Variants in HS3ST5 observed in about 807,000 individuals in gnomAD.
HS3ST5 encodes the protein heparan sulfate-glucosamine 3-sulfotransferase 5.
Under a neutral mutation model 25.4 loss-of-function variants are expected in HS3ST5, and 10 were observed. The ratio of observed to expected loss-of-function variants is 0.39; its 90% confidence interval spans 0.24 to 0.67. The LOEUF (loss-of-function observed/expected upper bound fraction) is 0.67. Ranked by LOEUF, HS3ST5 falls within the 30% of genes least tolerant of loss-of-function variation. HS3ST5 has a pLI of 0.44. For synonymous variants in HS3ST5, 170 were observed against 162.4 expected, an observed-to-expected ratio of 1.05 and a Z score of -0.36; for missense variants, 324 against 420.7, an observed-to-expected ratio of 0.77 and a Z score of 2.01.
At chr6:114,224,010 G>A (rs1192390607) in intron 2 of HS3ST5, among the ~76,000 whole-genome samples, 1 of 151,540 alleles carries the variant, frequency 6.6e-6, no homozygotes, top group Non-Finnish European at 1.5e-5. Context: ...CCTTCATTAT[G>A]TATTATACCC....
rs1407661588 is a variant in HS3ST5, at chr6:114,292,937, G to GT, written c.-339+49257dup. ...TTTTAGTATTGTATTGCTATTTTTT[G>GT]TTTTTTTTTTTCCCAAATATTTTTG... On this transcript the variant is annotated intron_variant, in intron 1 of 4. Coordinates refer to ENST00000312719, the MANE Select transcript of HS3ST5 (RefSeq NM_153612.4). Among the ~76,000 whole-genome samples, 699 of 144,094 alleles carry GT rather than the reference G, an allele frequency of 4.9e-3. 2 individuals are homozygous for GT. Among genetic ancestry groups the GT allele is most frequent in the African/African-American group, 0.013 (499 of 39,614 alleles). The allele number at this position is 144,094 out of a possible 152,430, so 94.5% of individuals were successfully genotyped here. A position where few individuals can be genotyped will look rare whatever the true frequency, so the allele number is the denominator to read the frequency against.
At chr6:114,292,605 A>G (rs1254073663) in intron 1 of HS3ST5, among the ~76,000 whole-genome samples, 6 of 152,334 alleles carry the variant, frequency 3.9e-5, no homozygotes, top group African/African-American at 1.4e-4. Flanking sequence ...GCATACATTC[A>G]AGTGCCAGAG....
In HS3ST5 at chr6:114,057,509, C is replaced by G; in HGVS notation, c.789G>C (p.Leu263=). The change falls in exon 5 of 5, where the codon CTG becomes CTC. Residue 263 remains leucine, a synonymous_variant. Coordinates refer to ENST00000312719, the MANE Select transcript of HS3ST5 (RefSeq NM_153612.4). Reference sequence around the variant, plus strand: ...ACTTCTCCACGAGCTGAAGTTCTGGCAGAGGTTCCGTGATGAGGCGATCTC... The same window carrying G: ...ACTTCTCCACGAGCTGAAGTTCTGGGAGAGGTTCCGTGATGAGGCGATCTC... ...VDGDRLITEP[L]PELQLVEKFL... The G allele has an allele frequency of 6.2e-7, 1 of 1,614,162 alleles. No homozygotes were observed. The highest frequency in any genetic ancestry group is 1.3e-5 in the African/African-American group (1 of 75,044).
At chr6:114,078,382 T>G (rs112066184) in intron 3 of HS3ST5, among the ~76,000 whole-genome samples, 3 of 151,376 alleles carry the variant, frequency 2.0e-5, no homozygotes, top group Admixed American at 2.0e-4. Flanking sequence ...AATTTTGGTA[T>G]TTTTTTTAGT....
chr6:114,128,496 G>A (rs1777159443), intron 3 of HS3ST5, among the ~76,000 whole-genome samples: 1 of 152,108 alleles, frequency 6.6e-6, no homozygotes, highest in African/African-American at 2.4e-5. Flanking sequence ...GCAAGCCAAA[G>A]TTCCTGCCTT....
In HS3ST5 at chr6:114,297,951, A is replaced by G. The variant is rs145668109; in HGVS notation, c.-339+44244T>C. 2.1e-3 allele frequency among the ~76,000 whole-genome samples: 318 copies of G among 152,324 alleles called. 5 individuals are homozygous for G. The South Asian group carries it at 0.031, about 15-fold the overall frequency. ...TATTCTTTTTCCTATAAATGGAATTAATATAATTGTTTTAAAAGTTCTTCC... is the reference window on the plus strand; with the variant it reads ...TATTCTTTTTCCTATAAATGGAATTGATATAATTGTTTTAAAAGTTCTTCC... On this transcript the variant is annotated intron_variant, in intron 1 of 4. Transcript: ENST00000312719.
chr6:114,276,621 A>AC (rs1308669844), intron 1 of HS3ST5, among the ~76,000 whole-genome samples: 53 of 145,058 alleles, frequency 3.7e-4, no homozygotes, highest in African/African-American at 1.2e-3. Context: ...GAAAAAAAAA[A>AC]ACAAAAAAAC....
intron 1 of HS3ST5, among the ~76,000 whole-genome samples, chr6:114,305,827 T>C (rs1775264965): frequency 6.6e-6 from 1 of 152,072 alleles, no homozygotes; most frequent in Admixed American, 6.6e-5. Context: ...CTCAACACAA[T>C]GAAACAGACA....
chr6:114,263,836 T>C lies in HS3ST5; in HGVS notation c.-338-35058A>G, dbSNP rs1001674006. Among the ~76,000 whole-genome samples the C allele has an allele frequency of 6.6e-5, 10 of 152,046 alleles. No individual in the cohort carries two copies. In the East Asian group the frequency reaches 1.9e-3, roughly 29 times the overall value. ...ACCCCATATTGTCAAATGTCAATCA[T>C]AGTAATTAAGGACTGAAAAGTAACA... On this transcript the variant is annotated intron_variant, in intron 1 of 4. Transcript: ENST00000312719.
chr6:114,135,566 C>T (rs1777553786), intron 3 of HS3ST5, among the ~76,000 whole-genome samples: 1 of 152,208 alleles, frequency 6.6e-6, no homozygotes. Context: ...CACTCTGCTC[C>T]TGGCTCATCT....
At chr6:114,323,575 G>T (rs1444615590) in intron 1 of HS3ST5, among the ~76,000 whole-genome samples, 1 of 151,972 alleles carries the variant, frequency 6.6e-6, no homozygotes, top group Non-Finnish European at 1.5e-5. Flanking sequence ...AATTTAAGCC[G>T]CAATTTCCTC....
At chr6:114,331,010 C>G (rs986637289) in intron 1 of HS3ST5, among the ~76,000 whole-genome samples, 5 of 152,178 alleles carry the variant, frequency 3.3e-5, no homozygotes, top group African/African-American at 1.2e-4. Context: ...GATTGTAAGT[C>G]CTACTTTCAG....
chr6:114,142,019 G>A (rs574535501), intron 3 of HS3ST5, among the ~76,000 whole-genome samples: 1 of 151,830 alleles, frequency 6.6e-6, no homozygotes, highest in Non-Finnish European at 1.5e-5. Flanking sequence ...ATTTCCTACA[G>A]CTGGTTGTTT....
At chr6:114,073,554 GT>G (rs1168264908) in intron 3 of HS3ST5, among the ~76,000 whole-genome samples, 57 of 152,298 alleles carry the variant, frequency 3.7e-4, no homozygotes, top group African/African-American at 1.4e-3. Flanking sequence ...GTCATCACTG[GT>G]TATCAGAGAA....
chr6:114,109,962 A>G (rs1470632186), intron 3 of HS3ST5, among the ~76,000 whole-genome samples: 3 of 152,208 alleles, frequency 2.0e-5, no homozygotes, highest in South Asian at 4.1e-4. Flanking sequence ...GGACTTATAT[A>G]ATGGTCAAAT....
chr6:114,090,873 C>T (rs12211928), intron 3 of HS3ST5, among the ~76,000 whole-genome samples: 19,172 of 152,218 alleles, frequency 0.13, 1,286 homozygotes, highest in Middle Eastern at 0.21. Context: ...AGTACAATTG[C>T]CCTCTTAGCA....
chr6:114,308,160 T>C (rs1409433603), intron 1 of HS3ST5, among the ~76,000 whole-genome samples: 1 of 152,186 alleles, frequency 6.6e-6, no homozygotes, highest in South Asian at 2.1e-4. Flanking sequence ...ATCTATATAC[T>C]AGTAAGTTTA....
intron 3 of HS3ST5, among the ~76,000 whole-genome samples, chr6:114,067,815 C>T (rs1485095754): frequency 6.6e-6 from 1 of 152,132 alleles, no homozygotes; most frequent in African/African-American, 2.4e-5. Flanking sequence ...GTGAACCACT[C>T]ATGGTGAAGT....
chr6:114,297,541 A>G (rs1165681674), intron 1 of HS3ST5, among the ~76,000 whole-genome samples: 1 of 152,182 alleles, frequency 6.6e-6, no homozygotes, highest in Non-Finnish European at 1.5e-5. Flanking sequence ...TAGAGTTAGT[A>G]TATATTTTTT....
Sources: gnomAD v4.1 joint callset for allele counts (sites outside exome capture counted in the v4.1 genomes callset) on GRCh38, gnomAD v4.1.1 for gene constraint, MANE v1.5 for transcripts, NCBI Gene and HGNC (gene_info 2026-07-23, HGNC 2026-07-21) for gene names.